Variants in EYS observed in about 807,000 individuals in gnomAD.
The protein encoded by EYS is EGF-like photoreceptor maintenance factor.
EYS carries 250 observed loss-of-function variants against 282.1 expected under a neutral mutation model. The ratio of observed to expected loss-of-function variants is 0.89; its 90% CI spans 0.80 to 0.98. The LOEUF is 0.98. Among genes scored for constraint, EYS ranks in the 50% least tolerant of loss-of-function variants. The pLI is 0.00. For missense variants in EYS, 4,016 were observed against 3,709.0 expected (o/e 1.08, Z -2.15); for synonymous variants, 1,355 against 1,282.9 (o/e 1.06, Z -1.20).
chr6:64,254,602 T>A (rs1884177), intron 30 of EYS, among the ~76,000 whole-genome samples: 104,465 of 151,812 alleles, frequency 0.69, 35,962 homozygotes, highest in South Asian at 0.71. Flanking sequence ...AGAAGTCACT[T>A]CTCCTACATA....
intron 30 of EYS, among the ~76,000 whole-genome samples, chr6:64,284,345 T>C (rs1396968924): frequency 6.6e-6 from 1 of 152,190 alleles, no homozygotes; most frequent in Admixed American, 6.5e-5. Context: ...AATGATCTCT[T>C]TGACTCCAGG....
chr6:64,516,880 G>A (rs1205557015), intron 26 of EYS, among the ~76,000 whole-genome samples: 1 of 151,468 alleles, frequency 6.6e-6, no homozygotes, highest in Non-Finnish European at 1.5e-5. Flanking sequence ...AAAAAATATA[G>A]GGTTAAATAT....
chr6:64,857,111 C>A (rs6941520), intron 19 of EYS, among the ~76,000 whole-genome samples: 84,214 of 151,876 alleles, frequency 0.55, 24,074 homozygotes, highest in Non-Finnish European at 0.61. Flanking sequence ...TTTCTTGGTT[C>A]TCTAGTCTGT....
chr6:64,558,185 A>G (rs1765289673), intron 26 of EYS, among the ~76,000 whole-genome samples: 1 of 152,116 alleles, frequency 6.6e-6, no homozygotes, highest in Non-Finnish European at 1.5e-5. Context: ...TTATACTTCA[A>G]TTTAAGATTG....
At chr6:64,419,192 G>C (rs929327606) in intron 28 of EYS, among the ~76,000 whole-genome samples, 5 of 152,106 alleles carry the variant, frequency 3.3e-5, no homozygotes, top group African/African-American at 9.7e-5. Context: ...CCAAGACTGG[G>C]TAATTTATAA....
intron 41 of EYS, among the ~76,000 whole-genome samples, chr6:63,755,369 C>T (rs1769452080): frequency 6.6e-6 from 1 of 152,172 alleles, no homozygotes. Context: ...TTTCCCAGAA[C>T]CATTTATTAA....
intron 35 of EYS, among the ~76,000 whole-genome samples, chr6:63,893,572 G>A (rs1271770807): frequency 2.0e-5 from 3 of 152,132 alleles, no homozygotes; most frequent in Admixed American, 2.0e-4. Context: ...ACCAGGGCCT[G>A]TTGGTGGTTG....
intron 30 of EYS, among the ~76,000 whole-genome samples, chr6:64,270,382 TG>T (rs1767903319): frequency 6.7e-6 from 1 of 150,226 alleles, no homozygotes; most frequent in African/African-American, 2.5e-5. Flanking sequence ...TTGCCGGGGG[TG>T]GGGGGAATGG....
At chr6:65,306,952 T>A (rs1463619305) in intron 11 of EYS, among the ~76,000 whole-genome samples, 1 of 144,806 alleles carries the variant, frequency 6.9e-6, no homozygotes, top group Non-Finnish European at 1.5e-5. Flanking sequence ...TGATCCTTTT[T>A]AAGCGTATTT....
intron 13 of EYS, among the ~76,000 whole-genome samples, chr6:65,044,510 T>C (rs1773040552): frequency 6.6e-6 from 1 of 151,852 alleles, no homozygotes; most frequent in African/African-American, 2.4e-5. Context: ...TTTACTATAG[T>C]GAAAATATTC....
intron 31 of EYS, among the ~76,000 whole-genome samples, chr6:64,217,292 G>A (rs985062692): frequency 1.3e-5 from 2 of 152,002 alleles, no homozygotes; most frequent in African/African-American, 4.8e-5. Context: ...ACTTTGGGAG[G>A]CCAAGACAGG....
At chr6:64,836,710 GA>G (rs2150031742) in intron 19 of EYS, among the ~76,000 whole-genome samples, 1 of 151,654 alleles carries the variant, frequency 6.6e-6, no homozygotes, top group South Asian at 2.1e-4. Context: ...TGCAATTTGT[GA>G]AAACTTGCCA....
chr6:64,564,186 T>A (rs916389682), intron 26 of EYS, among the ~76,000 whole-genome samples: 3 of 151,352 alleles, frequency 2.0e-5, no homozygotes, highest in Non-Finnish European at 4.4e-5. Flanking sequence ...TTGGTCATAA[T>A]GGCTGTACCA....
At chr6:65,250,738 A>G (rs186169177) in intron 12 of EYS, among the ~76,000 whole-genome samples, 175 of 152,034 alleles carry the variant, frequency 1.2e-3, no homozygotes, top group African/African-American at 4.1e-3. Flanking sequence ...AAACCCATGT[A>G]TATTATCAAA....
chr6:64,953,555 A>G (rs1394684846), intron 14 of EYS, among the ~76,000 whole-genome samples: 3 of 151,988 alleles, frequency 2.0e-5, no homozygotes, highest in Admixed American at 6.6e-5. Flanking sequence ...ACTCAGGATT[A>G]TACATAAAAA....
At chr6:65,043,809 T>C (rs983966673) in intron 13 of EYS, among the ~76,000 whole-genome samples, 2 of 151,644 alleles carry the variant, frequency 1.3e-5, no homozygotes, top group African/African-American at 4.8e-5. Context: ...GTTGATTCCA[T>C]CTCCTGACTA....
At chr6:63,763,933 T>A (rs907511258) in intron 40 of EYS, among the ~76,000 whole-genome samples, 1 of 148,830 alleles carries the variant, frequency 6.7e-6, no homozygotes, top group Non-Finnish European at 1.5e-5. Context: ...GGGCACCGTG[T>A]GTTTATTTTG....
At chr6:64,155,090 G>T (rs182142708) in intron 31 of EYS, among the ~76,000 whole-genome samples, 134 of 152,224 alleles carry the variant, frequency 8.8e-4, no homozygotes, top group African/African-American at 2.5e-3. Flanking sequence ...GAGGAGAATG[G>T]GCATCTGCAT....
intron 36 of EYS, among the ~76,000 whole-genome samples, chr6:63,858,360 C>G (rs961390577): frequency 6.6e-6 from 1 of 152,172 alleles, no homozygotes; most frequent in Non-Finnish European, 1.5e-5. Context: ...ATGCCTGGCC[C>G]ATCAAAGCTA....
Sources: allele counts gnomAD v4.1 joint callset (sites outside exome capture counted in the v4.1 genomes callset), GRCh38; gene constraint gnomAD v4.1.1; transcripts MANE v1.5; gene names NCBI Gene and HGNC (gene_info 2026-07-23, HGNC 2026-07-21).